Variants in PLCL1 observed in about 807,000 individuals in gnomAD.
PLCL1 encodes phospholipase C like 1 (inactive).
Under a neutral mutation model 84.4 loss-of-function variants are expected in PLCL1, and 41 were observed. The observed-to-expected ratio is 0.49, with a 90% confidence interval of 0.38 to 0.63. The LOEUF (loss-of-function observed/expected upper bound fraction) is 0.63. PLCL1 is among the 30% of genes least tolerant of loss of function. The pLI is 0.00. For missense variants in PLCL1, 1,206 were observed against 1,367.8 expected, an observed-to-expected ratio of 0.88 and a Z score of 1.87; for synonymous variants, 490 against 488.3, an observed-to-expected ratio of 1.00 and a Z score of -0.05.
At chr2:197,905,917 G>T (rs1559041314) in intron 1 of PLCL1, among the ~76,000 whole-genome samples, 1 of 152,010 alleles carries the variant, frequency 6.6e-6, no homozygotes, top group Non-Finnish European at 1.5e-5. Context: ...TGATGGGGTT[G>T]TTTTTTTCTT....
intron 1 of PLCL1, among the ~76,000 whole-genome samples, chr2:198,081,580 C>T (rs964921388): frequency 6.6e-6 from 1 of 152,138 alleles, no homozygotes; most frequent in Non-Finnish European, 1.5e-5. Flanking sequence ...TTAAAAACAG[C>T]AACTCTTTGT....
chr2:197,898,481 C>T (rs918085379), intron 1 of PLCL1, among the ~76,000 whole-genome samples: 1 of 152,030 alleles, frequency 6.6e-6, no homozygotes, highest in Non-Finnish European at 1.5e-5. Context: ...CCCAAAGATG[C>T]TTAATGTGTC....
intron 1 of PLCL1, among the ~76,000 whole-genome samples, chr2:197,976,699 G>C (rs1689989317): frequency 6.6e-6 from 1 of 152,096 alleles, no homozygotes; most frequent in Non-Finnish European, 1.5e-5. Context: ...CACCCACCTT[G>C]GCCTCCCAAA....
intron 1 of PLCL1, among the ~76,000 whole-genome samples, chr2:197,882,467 A>C (rs1248592169): frequency 6.6e-6 from 1 of 152,166 alleles, no homozygotes; most frequent in Non-Finnish European, 1.5e-5. Flanking sequence ...CCTGTTTTCT[A>C]AACATTTTTT....
chr2:197,977,362 G>A (rs552409881), intron 1 of PLCL1, among the ~76,000 whole-genome samples: 20 of 151,880 alleles, frequency 1.3e-4, no homozygotes, highest in Admixed American at 5.9e-4. Context: ...TCCAGGGGCC[G>A]TGCAGAGACC....
intron 5 of PLCL1, among the ~76,000 whole-genome samples, 160 bp downstream of exon 5, chr2:198,104,096 G>A (rs1302875639): frequency 1.3e-5 from 2 of 151,878 alleles, no homozygotes; most frequent in African/African-American, 2.4e-5. Context: ...TAGGTAAACT[G>A]TGTGTCGCGG....
At chr2:198,041,182 C>A (rs1052316563) in intron 1 of PLCL1, among the ~76,000 whole-genome samples, 1 of 152,136 alleles carries the variant, frequency 6.6e-6, no homozygotes, top group Non-Finnish European at 1.5e-5. Context: ...GGAGACTAAC[C>A]CTTCGGTTTG....
chr2:198,024,743 A>C (rs1691222911), intron 1 of PLCL1, among the ~76,000 whole-genome samples: 1 of 151,050 alleles, frequency 6.6e-6, no homozygotes, highest in South Asian at 2.1e-4. Context: ...AGCTTTGGCA[A>C]CAAGAGCGAA....
At chr2:197,897,107 T>TCTC (rs1688151980) in intron 1 of PLCL1, among the ~76,000 whole-genome samples, 2 of 37,180 alleles carry the variant, frequency 5.4e-5, no homozygotes, top group South Asian at 1.1e-3. Flanking sequence ...TCCTTCTTCT[T>TCTC]CTTCTTCTTC....
intron 1 of PLCL1, among the ~76,000 whole-genome samples, chr2:197,970,373 C>G (rs1166074087): frequency 6.6e-6 from 1 of 152,190 alleles, no homozygotes. Flanking sequence ...CTAATCACCT[C>G]TTAAAGGTGC....
intron 1 of PLCL1, among the ~76,000 whole-genome samples, chr2:197,976,700 G>A (rs1382157303): frequency 6.6e-6 from 1 of 152,136 alleles, no homozygotes; most frequent in African/African-American, 2.4e-5. Flanking sequence ...ACCCACCTTG[G>A]CCTCCCAAAG....
chr2:197,912,974 G>T (rs1338094973), intron 1 of PLCL1, among the ~76,000 whole-genome samples: 1 of 129,992 alleles, frequency 7.7e-6, no homozygotes, highest in Non-Finnish European at 1.7e-5. Flanking sequence ...AAAAAAAAAA[G>T]AAAAATGAAA....
intron 1 of PLCL1, among the ~76,000 whole-genome samples, chr2:198,037,806 T>G (rs1691581415): frequency 1.3e-5 from 2 of 152,152 alleles, no homozygotes; most frequent in South Asian, 4.1e-4. Flanking sequence ...AAAAATAAAC[T>G]GAAAGTTTTG....
chr2:198,092,574 T>A lies in PLCL1; in HGVS notation c.2919+3513T>A, dbSNP rs530441691. ...TCTAGCTATTTGGAAATATGCAATATATTATTGTTAACTATAGTCACTACT... is the reference window on the plus strand; with the variant it reads ...TCTAGCTATTTGGAAATATGCAATAAATTATTGTTAACTATAGTCACTACT... On this transcript the variant is annotated intron_variant, in intron 3 of 5. Coordinates refer to ENST00000428675, the MANE Select transcript of PLCL1 (RefSeq NM_006226.4). Among the ~76,000 whole-genome samples, 3 of 151,506 alleles carry A rather than the reference T, an allele frequency of 2.0e-5. No homozygotes were observed. In the South Asian group the frequency reaches 6.2e-4, roughly 32 times the overall value.
At chr2:197,945,441 GA>G (rs1386741976) in intron 1 of PLCL1, among the ~76,000 whole-genome samples, 1 of 152,182 alleles carries the variant, frequency 6.6e-6, no homozygotes, top group East Asian at 1.9e-4. Context: ...CACAGAATTA[GA>G]AATGCAGAAT....
chr2:197,841,146 A>G (rs1686992660), intron 1 of PLCL1, among the ~76,000 whole-genome samples: 1 of 152,188 alleles, frequency 6.6e-6, no homozygotes, highest in African/African-American at 2.4e-5. Flanking sequence ...CATTAGTGTG[A>G]TACATTTGTT....
At chr2:198,138,596 G>A (rs937666479) in intron 5 of PLCL1, among the ~76,000 whole-genome samples, 12 of 152,068 alleles carry the variant, frequency 7.9e-5, no homozygotes, top group African/African-American at 2.4e-4. Flanking sequence ...TGAGTAAAAG[G>A]TAGTTATTGA....
intron 1 of PLCL1, among the ~76,000 whole-genome samples, chr2:197,812,182 A>C (rs1206183838): frequency 1.3e-5 from 2 of 152,170 alleles, no homozygotes; most frequent in Non-Finnish European, 2.9e-5. Flanking sequence ...TCCATAGTGT[A>C]TGCTTCCCAC....
chr2:198,039,060 C>T (rs1308819506), intron 1 of PLCL1, among the ~76,000 whole-genome samples: 1 of 152,018 alleles, frequency 6.6e-6, no homozygotes. Flanking sequence ...TGCTTAAAAA[C>T]AAACCCTGTC....
Sources: gnomAD v4.1 joint callset for allele counts (sites outside exome capture counted in the v4.1 genomes callset) on GRCh38, gnomAD v4.1.1 for gene constraint, MANE v1.5 for transcripts, NCBI Gene and HGNC (gene_info 2026-07-23, HGNC 2026-07-21) for gene names.